CFAP70: variants seen among roughly 807,000 people sequenced by gnomAD.
CFAP70 encodes the protein cilia- and flagella-associated protein 70.
CFAP70 carries 81 observed loss-of-function variants against 137.6 expected under a neutral mutation model. That is an observed-to-expected ratio of 0.59 (90% confidence interval 0.49 to 0.71). The LOEUF (loss-of-function observed/expected upper bound fraction) is 0.71, where lower values mean the gene tolerates loss of function less well. CFAP70 is among the 30% of genes least tolerant of loss of function. The probability of loss-of-function intolerance (pLI) is 0.00; values close to 1 mark genes in which losing one functional copy is unlikely to be tolerated. For missense variants in CFAP70, 976 were observed against 1,226.7 expected (o/e 0.80, Z 3.05); for synonymous variants, 382 against 423.6 (o/e 0.90, Z 1.20).
chr10:73,286,683 A>G (rs1386879342), intron 19 of CFAP70, among the ~76,000 whole-genome samples: 2 of 152,192 alleles, frequency 1.3e-5, no homozygotes, highest in African/African-American at 2.4e-5. Context: ...GTGGCGCTAG[A>G]GGAATTAAAG....
At chr10:73,359,365 A>G (rs1589630729), upstream of CFAP70, among the ~76,000 whole-genome samples, 3 of 152,236 alleles carry the variant, frequency 2.0e-5, no homozygotes, top group East Asian at 5.8e-4. Flanking sequence ...AAAATGGCAT[A>G]TTACAAGCAG....
At chr10:73,313,688 C>T (rs756126325) in intron 9 of CFAP70, among the ~76,000 whole-genome samples, 5 of 151,636 alleles carry the variant, frequency 3.3e-5, no homozygotes, top group Non-Finnish European at 4.4e-5. Context: ...ACTAAAAATA[C>T]AAAAATTAGC....
chr10:73,345,678 G>A (rs1372734394), intron 4 of CFAP70, among the ~76,000 whole-genome samples: 7 of 151,818 alleles, frequency 4.6e-5, no homozygotes, highest in East Asian at 2.0e-4. Context: ...GGTGGTGCGC[G>A]CCTGTAGTCC....
At chr10:73,304,961 T>C (rs1473375155) in intron 12 of CFAP70, among the ~76,000 whole-genome samples, 1 of 152,174 alleles carries the variant, frequency 6.6e-6, no homozygotes, top group Non-Finnish European at 1.5e-5. Flanking sequence ...AGAAGGCAAT[T>C]CTAAATCAGC....
intron 26 of CFAP70, 49 bp downstream of exon 27, chr10:73,256,320 C>T (rs2044485833): frequency 1.2e-6 from 2 of 1,606,934 alleles, no homozygotes; most frequent in Non-Finnish European, 1.7e-6. Context: ...CTCCTAATTT[C>T]CCACCCTTAA....
chr10:73,357,254 T>C (rs565145455), intron 1 of CFAP70, among the ~76,000 whole-genome samples: 1 of 152,144 alleles, frequency 6.6e-6, no homozygotes, highest in African/African-American at 2.4e-5. Flanking sequence ...TTGAAAAAAA[T>C]TGAGCTTCAG....
At chr10:73,352,412 T>C (rs920823583) in intron 3 of CFAP70, among the ~76,000 whole-genome samples, 4 of 152,242 alleles carry the variant, frequency 2.6e-5, no homozygotes, top group African/African-American at 9.6e-5. Flanking sequence ...TTCTGTCTTA[T>C]TAGGCTGCCG....
At chr10:73,307,280 A>G (rs1328173609) in intron 12 of CFAP70, among the ~76,000 whole-genome samples, 1 of 152,238 alleles carries the variant, frequency 6.6e-6, no homozygotes, top group African/African-American at 2.4e-5. Flanking sequence ...ATAAAAAGGC[A>G]GCAATAAAGG....
chr10:73,316,638 C>A (rs757574730), intron 9 of CFAP70, among the ~76,000 whole-genome samples: 1 of 151,426 alleles, frequency 6.6e-6, no homozygotes, highest in Non-Finnish European at 1.5e-5. Flanking sequence ...TACATCCTAA[C>A]TAATAACAAT....
intron 12 of CFAP70, among the ~76,000 whole-genome samples, chr10:73,305,626 T>C (rs2049312903): frequency 6.6e-6 from 1 of 152,202 alleles, no homozygotes; most frequent in Non-Finnish European, 1.5e-5. Context: ...TGTATTTAGA[T>C]CCTGGCATTC....
At chr10:73,333,373 A>G (rs2052323056) in intron 7 of CFAP70, among the ~76,000 whole-genome samples, 1 of 152,100 alleles carries the variant, frequency 6.6e-6, no homozygotes, top group Non-Finnish European at 1.5e-5. Context: ...ATTTTCCAAA[A>G]TTAACTGACA....
chr10:73,329,762 T>C (rs188061958), intron 8 of CFAP70, among the ~76,000 whole-genome samples: 4 of 152,166 alleles, frequency 2.6e-5, no homozygotes, highest in Non-Finnish European at 5.9e-5. Context: ...TGTGGACCAG[T>C]GATGACAAAA....
intron 15 of CFAP70, chr10:73,296,818 A>G (rs2048578364): frequency 3.0e-6 from 1 of 334,212 alleles, no homozygotes; most frequent in Non-Finnish European, 5.4e-6. Flanking sequence ...TGTGAAATTT[A>G]TTTTTCTAGG....
intron 3 of CFAP70, among the ~76,000 whole-genome samples, chr10:73,350,162 T>C (rs1301556930): frequency 6.6e-6 from 1 of 152,218 alleles, no homozygotes; most frequent in African/African-American, 2.4e-5. Flanking sequence ...ACTTCTCTCT[T>C]TTGTTGAAGA....
chr10:73,269,371 A>G (rs1589279273), intron 25 of CFAP70, among the ~76,000 whole-genome samples: 1 of 152,328 alleles, frequency 6.6e-6, no homozygotes, highest in Non-Finnish European at 1.5e-5. Context: ...TTGTGATACA[A>G]TATTGCTCCT....
chr10:73,316,481 G>GATATATATAT (rs1253458738), intron 9 of CFAP70, among the ~76,000 whole-genome samples: 43 of 106,540 alleles, frequency 4.0e-4, no homozygotes, highest in East Asian at 2.0e-3. Flanking sequence ...TATATATATA[G>GATATATATAT]ATATAGATAT....
At chr10:73,352,006 G>A (rs1429157031) in intron 3 of CFAP70, among the ~76,000 whole-genome samples, 3 of 152,228 alleles carry the variant, frequency 2.0e-5, no homozygotes, top group African/African-American at 7.2e-5. Context: ...GGGAATTGGA[G>A]TCCTGATTCC....
chr10:73,272,693 A>G, intron 24 of CFAP70: 2 of 589,592 alleles, frequency 3.4e-6, no homozygotes, highest in Non-Finnish European at 6.1e-6. Context: ...AATTTTTTTT[A>G]TTATGTAGCT....
chr10:73,296,986 A>G, intron 15 of CFAP70, 56 bp downstream of exon 16: 1 of 1,572,220 alleles, frequency 6.4e-7, no homozygotes, highest in Non-Finnish European at 8.6e-7. Context: ...AATTATTCAT[A>G]GAAGACTCTG....
Sources: allele counts gnomAD v4.1 joint callset (sites outside exome capture counted in the v4.1 genomes callset), GRCh38; gene constraint gnomAD v4.1.1; transcripts MANE v1.5; gene names NCBI Gene and HGNC (gene_info 2026-07-23, HGNC 2026-07-21).